The following DTWD2 variants were observed in gnomAD, a reference collection of about 807,000 sequenced individuals.
DTWD2 encodes the protein DTW motif tRNA-uridine aminocarboxypropyltransferase 2.
DTWD2 carries 39 observed loss-of-function variants against 31.8 expected under a neutral mutation model. The ratio of observed to expected loss-of-function variants is 1.22; its 90% CI spans 0.95 to 1.60. The LOEUF is 1.60. Ranked by LOEUF, DTWD2 falls within the 40% of genes most tolerant of loss-of-function variation. The pLI is 0.00. For synonymous variants in DTWD2, 180 were observed against 142.8 expected (o/e 1.26, Z -1.86); for missense variants, 515 against 381.5 (o/e 1.35, Z -2.92).
chr5:118,945,292 A>G (rs1225673539), intron 1 of DTWD2, among the ~76,000 whole-genome samples: 1 of 152,104 alleles, frequency 6.6e-6, no homozygotes, highest in African/African-American at 2.4e-5. Context: ...ACTCTTACAC[A>G]CAATATAAAG....
At chr5:118,954,323 C>G (rs1754537139) in intron 1 of DTWD2, among the ~76,000 whole-genome samples, 1 of 152,134 alleles carries the variant, frequency 6.6e-6, no homozygotes, top group African/African-American at 2.4e-5. Flanking sequence ...CACTATCACT[C>G]TCTATCCCCT....
intron 1 of DTWD2, among the ~76,000 whole-genome samples, chr5:118,970,289 T>C (rs1754954773): frequency 6.6e-6 from 1 of 152,180 alleles, no homozygotes; most frequent in Non-Finnish European, 1.5e-5. Flanking sequence ...TAGCCAAGCA[T>C]GGTGGTGTGC....
chr5:118,954,340 G>C (rs1048985439), intron 1 of DTWD2, among the ~76,000 whole-genome samples: 2 of 152,044 alleles, frequency 1.3e-5, no homozygotes, highest in Non-Finnish European at 2.9e-5. Context: ...CCCTTATTCT[G>C]ACTGATTTTT....
chr5:118,848,229 A>C lies in DTWD2; in HGVS notation c.598-11T>G. On this transcript the variant is annotated splice_polypyrimidine_tract_variant and intron_variant, in intron 4 of 5. Coordinates refer to ENST00000510708, the MANE Select transcript of DTWD2 (RefSeq NM_173666.4). ...AGTTTTTAATTGCACCTGAAATCAA[A>C]AACAAAATAGAACATAATTTTTGTT... 5 of 1,574,162 alleles carry C rather than the reference A, an allele frequency of 3.2e-6. No homozygotes were observed. In the Middle Eastern group the frequency reaches 8.5e-4, roughly 268 times the overall value.
chr5:118,901,093 A>C (rs1278960344), intron 4 of DTWD2, among the ~76,000 whole-genome samples: 1 of 152,056 alleles, frequency 6.6e-6, no homozygotes, highest in Non-Finnish European at 1.5e-5. Flanking sequence ...AAATATGTGA[A>C]TATAATTACA....
chr5:118,945,308 T>C (rs1203537179), intron 1 of DTWD2, among the ~76,000 whole-genome samples: 3 of 152,142 alleles, frequency 2.0e-5, no homozygotes, highest in Non-Finnish European at 4.4e-5. Flanking sequence ...TAAAGTTCAA[T>C]TAGAATTAAA....
intron 4 of DTWD2, among the ~76,000 whole-genome samples, chr5:118,865,988 G>T (rs1752371983): frequency 6.6e-6 from 1 of 150,556 alleles, no homozygotes; most frequent in Admixed American, 6.6e-5. Flanking sequence ...AGAGGTACGT[G>T]TGTCTGCGTG....
intron 4 of DTWD2, among the ~76,000 whole-genome samples, chr5:118,894,261 CTCTA>C (rs1245489342): frequency 1.1e-4 from 16 of 152,166 alleles, no homozygotes; most frequent in Admixed American, 1.0e-3. Flanking sequence ...CCACTTCACT[CTCTA>C]TCCATCCCCA....
chr5:118,840,719 T>A lies in DTWD2; in HGVS notation c.*198A>T. 2.0e-6 allele frequency: 1 copy of A among 491,814 alleles called. No individual in the cohort carries two copies. Among genetic ancestry groups the A allele is most frequent in the Non-Finnish European group, 3.2e-6 (1 of 312,296 alleles). 30.5% of individuals were successfully genotyped at this position (491,814 alleles called of 1,614,324 possible). On this transcript the variant is annotated 3_prime_UTR_variant, in exon 6 of 6. Transcript: ENST00000510708. Reference sequence around the variant, plus strand: ...TTTTAAAAACAAGTACAGTAGGAAATCCTGCTTTTCAGTGAGCCAGTGAAT... The same window carrying A: ...TTTTAAAAACAAGTACAGTAGGAAAACCTGCTTTTCAGTGAGCCAGTGAAT...
intron 2 of DTWD2, among the ~76,000 whole-genome samples, chr5:118,939,496 G>A (rs943917242): frequency 2.0e-5 from 3 of 151,940 alleles, no homozygotes; most frequent in African/African-American, 7.3e-5. Flanking sequence ...TTCTATTTGG[G>A]TATGTTTTAC....
intron 2 of DTWD2, among the ~76,000 whole-genome samples, chr5:118,942,257 C>T (rs1256744098): frequency 6.6e-6 from 1 of 152,136 alleles, no homozygotes; most frequent in Non-Finnish European, 1.5e-5. Context: ...CGCCTATAGT[C>T]CCAGCTCTTA....
intron 1 of DTWD2, among the ~76,000 whole-genome samples, chr5:118,951,869 G>C (rs1228971140): frequency 6.6e-6 from 1 of 152,194 alleles, no homozygotes; most frequent in Non-Finnish European, 1.5e-5. Context: ...AGACACCTCT[G>C]AAATGTGGCT....
At chr5:118,910,185 A>T (rs2149570373) in intron 4 of DTWD2, among the ~76,000 whole-genome samples, 1 of 152,280 alleles carries the variant, frequency 6.6e-6, no homozygotes, top group Non-Finnish European at 1.5e-5. Flanking sequence ...TCCTCTTTTG[A>T]TTATAAATTC....
rs895817097 is a variant in DTWD2 at position 118,988,144 on chromosome 5, T to C, written c.218+150A>G. ...GGGCTTCTTACTAGGTAGCTGTGCC[T>C]GGCATTTCCGAGATTTCCAACGTGC... On this transcript the variant is annotated intron_variant, in intron 1 of 5. Transcript: ENST00000510708. 9.4e-5 allele frequency: 89 copies of C among 942,316 alleles called. No homozygotes were observed. The East Asian group carries it at 2.3e-3, about 25-fold the overall frequency. 58.4% of individuals were successfully genotyped at this position (942,316 alleles called of 1,614,324 possible).
chr5:118,852,788 G>A (rs969670509), intron 4 of DTWD2, among the ~76,000 whole-genome samples: 33 of 152,082 alleles, frequency 2.2e-4, no homozygotes, highest in African/African-American at 7.7e-4. Context: ...TATGTTGACT[G>A]CAGCACTATT....
chr5:118,841,971 C>T (rs147141629), intron 5 of DTWD2, among the ~76,000 whole-genome samples: 32 of 152,212 alleles, frequency 2.1e-4, no homozygotes, highest in African/African-American at 6.7e-4. Flanking sequence ...ACAATGTCTA[C>T]GTGAAAATGT....
chr5:118,959,865 A>G lies in DTWD2; in HGVS notation c.219-15216T>C, dbSNP rs933295461. Among the ~76,000 whole-genome samples, 8 of 152,334 alleles carry G rather than the reference A, an allele frequency of 5.3e-5. No homozygotes were observed. In the South Asian group the frequency reaches 1.7e-3, roughly 32 times the overall value. On this transcript the variant is annotated intron_variant, in intron 1 of 5. Coordinates refer to ENST00000510708, the MANE Select transcript of DTWD2 (RefSeq NM_173666.4). ...GGAGAAAGGATTCCCTATTCAATAA[A>G]TGGTGCTGGGATAAGTAGCTAGCTG...
chr5:118,848,468 G>C (rs1215615983), intron 4 of DTWD2, among the ~76,000 whole-genome samples: 7 of 152,166 alleles, frequency 4.6e-5, no homozygotes, highest in Admixed American at 3.3e-4. Context: ...TTGCAGTAAA[G>C]AGTGAATATA....
chr5:118,952,714 G>T (rs1277877191), intron 1 of DTWD2, among the ~76,000 whole-genome samples: 3 of 152,120 alleles, frequency 2.0e-5, no homozygotes, highest in Non-Finnish European at 4.4e-5. Context: ...TCTGGAAGTG[G>T]TTAGATTCTC....
Sources: allele counts gnomAD v4.1 joint callset (sites outside exome capture counted in the v4.1 genomes callset), GRCh38; gene constraint gnomAD v4.1.1; transcripts MANE v1.5; gene names NCBI Gene and HGNC (gene_info 2026-07-23, HGNC 2026-07-21).